The following SETBP1 variants were observed in gnomAD, a reference collection of about 807,000 sequenced individuals.
SETBP1 encodes the protein SET binding protein 1.
A neutral mutation model predicts 101.0 loss-of-function variants in SETBP1; 9 were observed. That is an observed-to-expected ratio of 0.09 (90% CI 0.05 to 0.16). The LOEUF (loss-of-function observed/expected upper bound fraction) is 0.16. Among genes scored for constraint, SETBP1 ranks in the 10% least tolerant of loss-of-function variants. The pLI is 1.00. For missense variants in SETBP1, 1,858 were observed against 2,033.8 expected (o/e 0.91, Z 1.66); for synonymous variants, 818 against 788.5 (o/e 1.04, Z -0.63).
intron 2 of SETBP1, among the ~76,000 whole-genome samples, chr18:44,855,555 T>C (rs1168112467): frequency 1.3e-5 from 2 of 152,182 alleles, no homozygotes; most frequent in Non-Finnish European, 2.9e-5. Flanking sequence ...CAGTGGTGCA[T>C]TGGGGCCAAC....
At chr18:44,977,436 T>A (rs1272631590) in intron 4 of SETBP1, among the ~76,000 whole-genome samples, 1 of 152,220 alleles carries the variant, frequency 6.6e-6, no homozygotes, top group Non-Finnish European at 1.5e-5. Context: ...ATGTCCCAAA[T>A]CATTCTGTAG....
intron 2 of SETBP1, among the ~76,000 whole-genome samples, chr18:44,709,126 C>T (rs527507925): frequency 1.3e-5 from 2 of 152,148 alleles, no homozygotes; most frequent in Non-Finnish European, 2.9e-5. Context: ...TTGGGATTCT[C>T]TGGGGGTTTA....
chr18:45,051,814 T>C (rs912065225), intron 5 of SETBP1, among the ~76,000 whole-genome samples: 8 of 152,234 alleles, frequency 5.3e-5, no homozygotes, highest in African/African-American at 1.9e-4. Context: ...ACTTCTCTTA[T>C]GGAATGAAGT....
chr18:44,940,742 T>C (rs2071069527), intron 3 of SETBP1, among the ~76,000 whole-genome samples: 1 of 152,220 alleles, frequency 6.6e-6, no homozygotes, highest in South Asian at 2.1e-4. Context: ...AAGAAGTCAC[T>C]TGTCTTTTAA....
intron 2 of SETBP1, among the ~76,000 whole-genome samples, chr18:44,863,056 G>A (rs2069050078): frequency 6.6e-6 from 1 of 152,092 alleles, no homozygotes; most frequent in Admixed American, 6.5e-5. Context: ...ACTTATCCTT[G>A]GAAAGAGTAG....
chr18:44,783,955 G>A (rs1471681911), intron 2 of SETBP1, among the ~76,000 whole-genome samples: 1 of 152,206 alleles, frequency 6.6e-6, no homozygotes, highest in Non-Finnish European at 1.5e-5. Context: ...CTCAAGAAAA[G>A]AAGTGGGAAG....
intron 2 of SETBP1, among the ~76,000 whole-genome samples, chr18:44,730,881 A>G (rs962199634): frequency 1.2e-4 from 19 of 152,248 alleles, no homozygotes; most frequent in African/African-American, 4.6e-4. Context: ...CATTAAAACT[A>G]GAGCCATTTT....
At chr18:44,707,668 G>A (rs1264242575) in intron 2 of SETBP1, among the ~76,000 whole-genome samples, 1 of 152,220 alleles carries the variant, frequency 6.6e-6, no homozygotes. Context: ...CTTACACAAA[G>A]AGCAAACACA....
intron 1 of SETBP1, among the ~76,000 whole-genome samples, chr18:44,693,880 A>G (rs1265702527): frequency 6.6e-6 from 1 of 152,202 alleles, no homozygotes; most frequent in East Asian, 1.9e-4. Flanking sequence ...CCTCCCTGAC[A>G]TCATTATGCA....
intron 2 of SETBP1, among the ~76,000 whole-genome samples, chr18:44,745,945 G>T (rs1051283616): frequency 6.6e-6 from 1 of 152,168 alleles, no homozygotes; most frequent in African/African-American, 2.4e-5. Flanking sequence ...CCCTTCTCTG[G>T]CACCCTTCCT....
chr18:44,907,719 T>C (rs948341755), intron 3 of SETBP1, among the ~76,000 whole-genome samples: 1 of 152,234 alleles, frequency 6.6e-6, no homozygotes, highest in Non-Finnish European at 1.5e-5. Context: ...TATTGTTGTA[T>C]AGGGCTTCCT....
intron 4 of SETBP1, among the ~76,000 whole-genome samples, chr18:44,967,925 TG>T (rs2071755747): frequency 6.6e-6 from 1 of 152,200 alleles, no homozygotes; most frequent in Non-Finnish European, 1.5e-5. Context: ...CCTAGCATTT[TG>T]CCTCATGACT....
In SETBP1 at chr18:45,042,559, A is replaced by C. The variant is rs559219016; in HGVS notation, c.4171+3904A>C. On this transcript the variant is annotated intron_variant, in intron 5 of 5. Coordinates refer to ENST00000649279, the MANE Select transcript of SETBP1 (RefSeq NM_015559.3). ...AATAGGTGATCTTTGGTAAAAGTACAACAAAGGAACATTCCCACCTTATTT... is the reference window on the plus strand; with the variant it reads ...AATAGGTGATCTTTGGTAAAAGTACCACAAAGGAACATTCCCACCTTATTT... Among the ~76,000 whole-genome samples, 15 of 152,388 alleles carry C rather than the reference A, an allele frequency of 9.8e-5. No homozygotes were observed. In the East Asian group the frequency reaches 2.9e-3, roughly 29 times the overall value.
chr18:45,013,322 G>T (rs2072876703), intron 4 of SETBP1, among the ~76,000 whole-genome samples: 1 of 152,184 alleles, frequency 6.6e-6, no homozygotes, highest in Admixed American at 6.5e-5. Context: ...GTGGGAATTT[G>T]CTCTCAAACA....
At chr18:45,039,231 C>T (rs11661638) in intron 5 of SETBP1, among the ~76,000 whole-genome samples, 40,928 of 152,102 alleles carry the variant, frequency 0.27, 5,852 homozygotes, top group Middle Eastern at 0.4. Flanking sequence ...TTCCCAGAGT[C>T]CTCACCAACA....
At chr18:45,059,287 A>G (rs2073855565) in intron 5 of SETBP1, among the ~76,000 whole-genome samples, 1 of 152,186 alleles carries the variant, frequency 6.6e-6, no homozygotes. Flanking sequence ...ATATTTTAGT[A>G]TGCATTTCTA....
At chr18:45,007,513 T>C (rs1323482495) in intron 4 of SETBP1, among the ~76,000 whole-genome samples, 1 of 152,016 alleles carries the variant, frequency 6.6e-6, no homozygotes, top group Non-Finnish European at 1.5e-5. Flanking sequence ...GGCCATTCTC[T>C]ATGTACCTTG....
rs757881180 is a variant in SETBP1, at chr18:44,951,317, TAAG to T, written c.1982_1984del (p.Lys661del). On this transcript the variant is annotated inframe_deletion, in exon 4 of 6. Coordinates refer to ENST00000649279, the MANE Select transcript of SETBP1 (RefSeq NM_015559.3). The surrounding 1 kb of genome is among the most constrained non-coding windows in gnomAD (Gnocchi z 7.8). The stretch of plus-strand genomic sequence containing the variant: ...AAGTTGGAAAGCTCGGCGTGTTGGA[TAAG>T]AAGACCATCAAAACTATCAATAAGA... 36 of 1,613,486 alleles carry T rather than the reference TAAG, an allele frequency of 2.2e-5. No homozygotes were observed. Among genetic ancestry groups the T allele is most frequent in the African/African-American group, 4.0e-5 (3 of 74,908 alleles).
intron 3 of SETBP1, among the ~76,000 whole-genome samples, chr18:44,921,649 G>A (rs1039450700): frequency 2.8e-4 from 43 of 152,104 alleles, no homozygotes; most frequent in Non-Finnish European, 4.9e-4. Flanking sequence ...TTGGATCTGC[G>A]CTAAATGTTG....
Sources: gnomAD v4.1 joint callset for allele counts (sites outside exome capture counted in the v4.1 genomes callset) on GRCh38, gnomAD v4.1.1 for gene constraint, Gnocchi (gnomAD v3.1) non-coding constraint, MANE v1.5 for transcripts, NCBI Gene and HGNC (gene_info 2026-07-23, HGNC 2026-07-21) for gene names.